PCDHGA4: variants seen among roughly 807,000 people sequenced by gnomAD.
PCDHGA4 encodes protocadherin gamma-A4.
A neutral mutation model predicts 54.6 loss-of-function variants in PCDHGA4; 38 were observed. The observed-to-expected ratio is 0.70, with a 90% CI of 0.54 to 0.91. The LOEUF is 0.91. Ranked by LOEUF, PCDHGA4 falls within the 40% of genes least tolerant of loss-of-function variation. PCDHGA4 has a pLI of 0.00. For missense variants in PCDHGA4, 1,298 were observed against 1,220.9 expected, an observed-to-expected ratio of 1.06 and a Z score of -0.94; for synonymous variants, 511 against 512.9, an observed-to-expected ratio of 1.00 and a Z score of 0.05.
chr5:141,410,078 G>T, intron 1 of PCDHGA4: 4 of 1,612,820 alleles, frequency 2.5e-6, no homozygotes, highest in East Asian at 2.2e-5. Flanking sequence ...CACTGGGGAG[G>T]TGCGCACGGC....
At chr5:141,450,957 T>G (rs2154563418) in intron 1 of PCDHGA4, among the ~76,000 whole-genome samples, 1 of 152,010 alleles carries the variant, frequency 6.6e-6, no homozygotes, top group Non-Finnish European at 1.5e-5. Context: ...CCCAAGTAGC[T>G]GGGATTACAG....
intron 1 of PCDHGA4, chr5:141,426,796 T>C (rs1053668481): frequency 8.8e-6 from 4 of 456,720 alleles, no homozygotes. Context: ...AGTTACCAGC[T>C]CAGTTCTAAT....
Position 141,405,333 on chromosome 5 carries a change from C to T in PCDHGA4, c.2514+47712C>T, listed in dbSNP as rs1253133454. 29 of 1,614,086 alleles carry T rather than the reference C, an allele frequency of 1.8e-5. No homozygotes were observed. Among genetic ancestry groups the T allele is most frequent in the Non-Finnish European group, 2.5e-5 (29 of 1,180,034 alleles). ...GAGAAAAATGAGCCTTTGTGCGTCT[C>T]TGTTGATTCCAAGTTTCCTATAGAA... On this transcript the variant is annotated intron_variant, in intron 1 of 3. Coordinates refer to ENST00000571252, the MANE Select transcript of PCDHGA4 (RefSeq NM_018917.4).
chr5:141,440,618 C>G (rs1287745652), intron 1 of PCDHGA4: 3 of 152,196 alleles, frequency 2.0e-5, no homozygotes, highest in South Asian at 2.1e-4. Context: ...GCAGAAGATC[C>G]TGATGTTGAG....
intron 1 of PCDHGA4, chr5:141,361,032 A>G: frequency 6.2e-7 from 1 of 1,613,436 alleles, no homozygotes. Flanking sequence ...AAAAAACAGG[A>G]GAAATCACGA....
chr5:141,414,023 A>G lies in PCDHGA4; in HGVS notation c.2514+56402A>G, dbSNP rs746044242. 5 of 1,612,692 alleles carry G rather than the reference A, an allele frequency of 3.1e-6. No homozygotes were observed. The highest frequency in any genetic ancestry group is 2.2e-5 in the East Asian group (1 of 44,836). ...GAAGGTGCCAATGGAGAAGTGACAT[A>G]TTCATTCCGAAAATTACCTGACACG... On this transcript the variant is annotated intron_variant, in intron 1 of 3. Transcript: ENST00000571252.
intron 1 of PCDHGA4, among the ~76,000 whole-genome samples, chr5:141,463,124 T>C (rs2099053100): frequency 6.6e-6 from 1 of 152,174 alleles, no homozygotes; most frequent in African/African-American, 2.4e-5. Context: ...AATAGCTCCC[T>C]GGCAGTTCTT....
chr5:141,412,664 A>G (rs959517920), intron 1 of PCDHGA4: 10 of 152,288 alleles, frequency 6.6e-5, no homozygotes, highest in African/African-American at 2.4e-4. Flanking sequence ...AGACACTAAT[A>G]TGACCTAAAA....
chr5:141,506,277 T>C (rs905595521), intron 3 of PCDHGA4, among the ~76,000 whole-genome samples: 1 of 152,050 alleles, frequency 6.6e-6, no homozygotes. Flanking sequence ...AGTGAAACCC[T>C]GTCTCTACTA....
chr5:141,393,573 A>G lies in PCDHGA4; in HGVS notation c.2514+35952A>G, dbSNP rs568065764. 1.2e-4 allele frequency: 190 copies of G among 1,613,964 alleles called. 1 individual carries two copies. In the South Asian group the frequency reaches 2.0e-3, roughly 17 times the overall value. ...GATTTACCGAGTGAAAGTCCTTGAGAACATGCCCCCAGGCACGCGGCTGCT... is the reference window on the plus strand; with the variant it reads ...GATTTACCGAGTGAAAGTCCTTGAGGACATGCCCCCAGGCACGCGGCTGCT... On this transcript the variant is annotated intron_variant, in intron 1 of 3. Coordinates refer to ENST00000571252, the MANE Select transcript of PCDHGA4 (RefSeq NM_018917.4).
Position 141,476,267 on chromosome 5 carries a change from G to A in PCDHGA4, c.2515-18540G>A, listed in dbSNP as rs373758158. The A allele has an allele frequency of 6.8e-6, 11 of 1,613,938 alleles. No homozygotes were observed. Among genetic ancestry groups the A allele is most frequent in the African/African-American group, 1.3e-5 (1 of 74,884 alleles). On this transcript the variant is annotated intron_variant, in intron 1 of 3. Transcript: ENST00000571252. The surrounding 1 kb of genome is among the most constrained non-coding windows in gnomAD (Gnocchi z 7.6). ...GAAGGGTTTCGCTGTGGGCAACGTG[G>A]TCGCGAACCTTGGTTTGGATCTCGG...
intron 1 of PCDHGA4, chr5:141,430,951 C>T (rs200771871): frequency 3.2e-5 from 51 of 1,610,496 alleles, no homozygotes; most frequent in African/African-American, 1.5e-4. Context: ...AGCGCGGAGT[C>T]CGCATCATCC....
intron 1 of PCDHGA4, among the ~76,000 whole-genome samples, chr5:141,387,047 TTGTGTAA>T (rs1005909383): frequency 1.3e-4 from 20 of 152,186 alleles, no homozygotes; most frequent in African/African-American, 4.8e-4. Flanking sequence ...AGTAAAATAA[TTGTGTAA>T]TGAGGAGAGG....
At chr5:141,414,026 C>A in intron 1 of PCDHGA4, 1 of 1,612,468 alleles carries the variant, frequency 6.2e-7, no homozygotes, top group Non-Finnish European at 8.5e-7. Flanking sequence ...GTGACATATT[C>A]ATTCCGAAAA....
At position 141,419,393 on chromosome 5, in the gene PCDHGA4, G is replaced by A. The variant is rs1226844501; in HGVS notation, c.2514+61772G>A. On this transcript the variant is annotated intron_variant, in intron 1 of 3. Transcript: ENST00000571252. The stretch of plus-strand genomic sequence containing the variant: ...CTACGTGTCCGTGAGCGCGCAGAGC[G>A]GGGTGGTGTTCGCGCAGCGCGCCTT... 6.2e-7 allele frequency: 1 copy of A among 1,613,502 alleles called. No homozygotes were observed. Among genetic ancestry groups the A allele is most frequent in the Non-Finnish European group, 8.5e-7 (1 of 1,179,920 alleles).
At position 141,432,195 on chromosome 5, in the gene PCDHGA4, C is replaced by G; in HGVS notation, c.2515-62612C>G. 1 of 1,614,206 alleles carries G rather than the reference C, an allele frequency of 6.2e-7. No individual in the cohort carries two copies. The highest frequency in any genetic ancestry group is 8.5e-7 in the Non-Finnish European group (1 of 1,180,050). On this transcript the variant is annotated intron_variant, in intron 1 of 3. Transcript: ENST00000571252. The surrounding 1 kb of genome is among the most constrained non-coding windows in gnomAD (Gnocchi z 6.0). ...CTCGTCTCTGTGACCGCCCACGACC[C>G]CGACTGTGAAGAGAACGCCCAGATC...
intron 1 of PCDHGA4, chr5:141,423,599 C>T (rs1185412610): frequency 6.2e-7 from 1 of 1,612,844 alleles, no homozygotes; most frequent in Non-Finnish European, 8.5e-7. Context: ...AAAAGCGAGC[C>T]ACTCTTGATA....
chr5:141,499,418 A>G (rs143234735), intron 2 of PCDHGA4, among the ~76,000 whole-genome samples: 1 of 152,296 alleles, frequency 6.6e-6, no homozygotes, highest in East Asian at 1.9e-4. Context: ...GAAACATGAA[A>G]AATAGAAAAA....
chr5:141,365,925 T>C (rs766503118), intron 1 of PCDHGA4: 3 of 1,614,168 alleles, frequency 1.9e-6, no homozygotes, highest in Non-Finnish European at 2.5e-6. Flanking sequence ...CAGTTGTGGG[T>C]GACAGCCAGC....
Sources: gnomAD v4.1 joint callset for allele counts (sites outside exome capture counted in the v4.1 genomes callset) on GRCh38, gnomAD v4.1.1 for gene constraint, Gnocchi (gnomAD v3.1) non-coding constraint, MANE v1.5 for transcripts, NCBI Gene and HGNC (gene_info 2026-07-23, HGNC 2026-07-21) for gene names.